Variants in SLC2A3 observed in about 807,000 individuals in gnomAD.
SLC2A3 encodes solute carrier family 2 member 3, also known as solute carrier family 2, facilitated glucose transporter member 3.
In SLC2A3, 21 loss-of-function variants were observed where a neutral mutation model predicts 46.4. The ratio of observed to expected loss-of-function variants is 0.45; its 90% CI spans 0.32 to 0.65. The LOEUF is 0.65. Among genes scored for constraint, SLC2A3 ranks in the 30% least tolerant of loss-of-function variants. The pLI, the probability that SLC2A3 is intolerant of heterozygous loss-of-function variation, is 0.04. For missense variants in SLC2A3, 499 were observed against 623.3 expected, an observed-to-expected ratio of 0.80 and a Z score of 2.12; for synonymous variants, 213 against 239.4, an observed-to-expected ratio of 0.89 and a Z score of 1.02.
chr12:7,935,553 A>G (rs1004279023), intron 1 of SLC2A3, among the ~76,000 whole-genome samples: 18 of 152,212 alleles, frequency 1.2e-4, no homozygotes, highest in Admixed American at 7.2e-4. Context: ...AGGAAGGACA[A>G]CTGGAATTCT....
chr12:7,930,206 G>A (rs976463508), intron 5 of SLC2A3: 7 of 516,272 alleles, frequency 1.4e-5, no homozygotes, highest in African/African-American at 1.2e-4. Context: ...GGCAGGTCTT[G>A]AACTCCTGAC....
intron 6 of SLC2A3, among the ~76,000 whole-genome samples, chr12:7,927,911 C>T (rs985212937): frequency 6.6e-6 from 1 of 150,978 alleles, no homozygotes; most frequent in African/African-American, 2.4e-5. Flanking sequence ...TGGTGATATC[C>T]CTCTATTCTC....
chr12:7,933,427 C>G (rs1946179291), intron 2 of SLC2A3: 2 of 516,012 alleles, frequency 3.9e-6, no homozygotes, highest in Non-Finnish European at 6.9e-6. Context: ...AGGGATAATA[C>G]AGGATGTGCA....
In SLC2A3 at chr12:7,920,916, T is replaced by C. The variant is rs1246241012; in HGVS notation, c.*497A>G. 1 of 162,978 alleles carries C rather than the reference T, an allele frequency of 6.1e-6. No homozygotes were observed. Among genetic ancestry groups the C allele is most frequent in the Non-Finnish European group, 1.4e-5 (1 of 73,440 alleles). The allele number at this position is 162,978 out of a possible 1,614,324, so 10.1% of individuals were successfully genotyped here. On this transcript the variant is annotated 3_prime_UTR_variant, in exon 10 of 10. Transcript: ENST00000075120. The stretch of plus-strand genomic sequence containing the variant: ...ACTTAAAGTTAAAAAAAAAAAATTA[T>C]GTAATTAAACCAGAGGATAAAATAA...
At chr12:7,932,812 A>C in intron 3 of SLC2A3, 175 bp downstream of exon 3, 1 of 848,894 alleles carries the variant, frequency 1.2e-6, no homozygotes, top group Non-Finnish European at 1.8e-6. Flanking sequence ...TCTCCAGGGT[A>C]GTAGAGCTCC....
rs1275156398 is a variant in SLC2A3, at chr12:7,919,235, T to C, written c.*2178A>G. 6.6e-6 allele frequency: 1 copy of C among 152,502 alleles called. No individual in the cohort carries two copies. The highest frequency in any genetic ancestry group is 2.4e-5 in the African/African-American group (1 of 41,430). 9.4% of individuals were successfully genotyped at this position (152,502 alleles called of 1,614,324 possible). On this transcript the variant is annotated 3_prime_UTR_variant, in exon 10 of 10. Coordinates refer to ENST00000075120, the MANE Select transcript of SLC2A3 (RefSeq NM_006931.3). The stretch of plus-strand genomic sequence containing the variant: ...AAGTAAATAAGCCCATAATGTCGTG[T>C]ACATTCAGAATTTTTATTTTAAAAC...
At chr12:7,935,225 C>T (rs764651445) in intron 1 of SLC2A3, among the ~76,000 whole-genome samples, 6 of 152,050 alleles carry the variant, frequency 3.9e-5, no homozygotes, top group East Asian at 1.9e-4. Flanking sequence ...AGGCCGAGGC[C>T]GGCGGATCGC....
intron 7 of SLC2A3, 102 bp downstream of exon 7, chr12:7,925,742 C>CA: frequency 1.1e-6 from 1 of 933,932 alleles, no homozygotes; most frequent in Non-Finnish European, 1.7e-6. Flanking sequence ...AATTAAGCAA[C>CA]AAAAAGGTAA....
At chr12:7,929,896 G>A in intron 5 of SLC2A3, 25 bp from the exon 6 acceptor site, 3 of 1,613,698 alleles carry the variant, frequency 1.9e-6, no homozygotes, top group South Asian at 2.2e-5. Flanking sequence ...AAAGAGGAAA[G>A]GATAAAAGAG....
At chr12:7,922,564 C>T (rs1036942028) in intron 9 of SLC2A3, among the ~76,000 whole-genome samples, 2 of 151,984 alleles carry the variant, frequency 1.3e-5, no homozygotes, top group South Asian at 2.1e-4. Flanking sequence ...CAGGTTTAAG[C>T]GATTCTCCTT....
chr12:7,923,163 GATTT>G, intron 8 of SLC2A3, 139 bp from the exon 9 acceptor site: 1 of 855,192 alleles, frequency 1.2e-6, no homozygotes, highest in Non-Finnish European at 1.8e-6. Flanking sequence ...AAAAGGCTTG[GATTT>G]ATTTTTATTT....
Position 7,929,760 on chromosome 12 carries a change from C to A in SLC2A3, c.785G>T (p.Arg262Ile), listed in dbSNP as rs1164383125. The A allele has an allele frequency of 6.2e-7, 1 of 1,613,350 alleles. No individual in the cohort carries two copies. The highest frequency in any genetic ancestry group is 8.5e-7 in the Non-Finnish European group (1 of 1,179,528). Reference sequence around the variant, plus strand: ...GATGGGCTGTCGGTAGCTGGACACTCTAAAGAGCTCTAGCACGGTGACTTG... The same window carrying A: ...GATGGGCTGTCGGTAGCTGGACACTATAAAGAGCTCTAGCACGGTGACTTG... Reference protein sequence around the residue: ...EKQVTVLELFRVSSYRQPIII... With the variant: ...EKQVTVLELFIVSSYRQPIII... The change falls in exon 6 of 10, where the codon AGA (arginine) becomes ATA (isoleucine). Residue 262 changes from arginine to isoleucine, a missense_variant. Arg to Ile is a moderately conservative substitution (Grantham distance 97, BLOSUM62 -3). Around this residue, in one of 5 missense-constraint regions of SLC2A3, gnomAD observed 65 missense variants for 88.4 expected, o/e 0.74. Transcript: ENST00000075120.
rs59397047 is a variant in SLC2A3, at chr12:7,929,813, A to C, written c.732T>G (p.Asp244Glu). Residue 244 changes from aspartate (D) to glutamate (E), a missense_variant, in exon 6 of 10, where the codon GAT becomes GAG. Coordinates refer to ENST00000075120, the MANE Select transcript of SLC2A3 (RefSeq NM_006931.3). ...DVSQDIQEMKDESARMSQEKQ... is the reference protein window; with the variant it reads ...DVSQDIQEMKEESARMSQEKQ... ...TTTCTTGTGACATCCTTGCACTCTC[A>C]TCTTTCATCTCCTGGATGTCTTGGG... The C allele has an allele frequency of 5.3e-3, 8,618 of 1,613,518 alleles. 220 individuals are homozygous for C. In the African/African-American group the frequency reaches 0.095, roughly 18 times the overall value.
Position 7,925,904 on chromosome 12 carries a change from T to C in SLC2A3, c.906A>G (p.Gln302=). Reference sequence around the variant, plus strand: ...CGCCGATGGTGGCATAGATGGGCTCTTGAACACCTGCATCCTTGAAGATTC... The same window carrying C: ...CGCCGATGGTGGCATAGATGGGCTCCTGAACACCTGCATCCTTGAAGATTC... ...STGIFKDAGV[Q]EPIYATIGAG... Residue 302 remains glutamine (Q), a synonymous_variant, in exon 7 of 10, where the codon CAA becomes CAG. Transcript: ENST00000075120. 6.2e-7 allele frequency: 1 copy of C among 1,613,832 alleles called. No homozygotes were observed.
At chr12:7,924,336 C>T in intron 8 of SLC2A3, 74 bp downstream of exon 8, 2 of 1,550,878 alleles carry the variant, frequency 1.3e-6, no homozygotes, top group Non-Finnish European at 1.7e-6. Context: ...AACAACCCAC[C>T]CCTTGTGTCA....
chr12:7,933,397 T>C, intron 2 of SLC2A3: 1 of 565,280 alleles, frequency 1.8e-6, no homozygotes. Context: ...GGAACCCAGC[T>C]TCTTTGTAAC....
chr12:7,931,587 C>CTTT, intron 3 of SLC2A3, 102 bp from the exon 4 acceptor site: 1 of 1,257,602 alleles, frequency 8.0e-7, no homozygotes, highest in Non-Finnish European at 1.1e-6. Context: ...CATATCATCC[C>CTTT]TTTTTTTTTT....
chr12:7,926,279 TG>T (rs1250118000), intron 6 of SLC2A3, among the ~76,000 whole-genome samples: 1 of 152,030 alleles, frequency 6.6e-6, no homozygotes, highest in Non-Finnish European at 1.5e-5. Context: ...TAAGTAGAGA[TG>T]GGTTTTCACC....
chr12:7,925,556 T>TAAA (rs1008203929), intron 7 of SLC2A3: 2 of 274,942 alleles, frequency 7.3e-6, no homozygotes, highest in African/African-American at 4.3e-5. Context: ...TGTTTTAGTG[T>TAAA]AAAAACAGTG....
Sources: allele counts gnomAD v4.1 joint callset (sites outside exome capture counted in the v4.1 genomes callset), GRCh38; gene constraint gnomAD v4.1.1; regional missense constraint gnomAD v4.1.1; transcripts MANE v1.5; gene names NCBI Gene and HGNC (gene_info 2026-07-23, HGNC 2026-07-21).